The following STXBP6 variants were observed in gnomAD, a reference collection of about 807,000 sequenced individuals.
STXBP6 encodes the protein syntaxin-binding protein 6.
In STXBP6, 21 loss-of-function variants were observed where a neutral mutation model predicts 26.9. The ratio of observed to expected loss-of-function variants is 0.78; its 90% confidence interval spans 0.55 to 1.12. STXBP6 has a LOEUF of 1.12. STXBP6 is among the 50% of genes most tolerant of loss of function. STXBP6 has a pLI of 0.00. For missense variants in STXBP6, 232 were observed against 257.9 expected (o/e 0.90, Z 0.69); for synonymous variants, 97 against 92.6 (o/e 1.05, Z -0.27).
At chr14:24,832,917 T>A (rs768025878) in intron 4 of STXBP6, among the ~76,000 whole-genome samples, 3 of 152,212 alleles carry the variant, frequency 2.0e-5, no homozygotes, top group Non-Finnish European at 2.9e-5. Context: ...ATACTTTTCA[T>A]TCATTATCCT....
In STXBP6 at chr14:24,900,038, C is replaced by T. The variant is rs537917395; in HGVS notation, c.155-42881G>A. On this transcript the variant is annotated intron_variant, in intron 2 of 5. Transcript: ENST00000323944. ...CAAATTATCTAATAGGTGAACAAAG[C>T]GATATGCCTTAACAGGTTGTAATTT... is the stretch of plus-strand genomic sequence containing the variant. Among the ~76,000 whole-genome samples the T allele has an allele frequency of 1.1e-4, 17 of 152,186 alleles. 2 individuals are homozygous for T. The South Asian group carries it at 2.1e-3, about 19-fold the overall frequency.
intron 2 of STXBP6, among the ~76,000 whole-genome samples, chr14:24,887,666 T>C (rs1189411177): frequency 6.6e-6 from 1 of 152,134 alleles, no homozygotes; most frequent in African/African-American, 2.4e-5. Context: ...AACTCCCTAA[T>C]AGTAAATGCC....
At chr14:24,962,777 T>C (rs566954858) in intron 2 of STXBP6, among the ~76,000 whole-genome samples, 2 of 152,214 alleles carry the variant, frequency 1.3e-5, no homozygotes, top group South Asian at 2.1e-4. Context: ...TCACTAGCAG[T>C]GTGAATGTTT....
chr14:25,001,111 C>T (rs938996227), intron 1 of STXBP6, among the ~76,000 whole-genome samples: 1 of 152,070 alleles, frequency 6.6e-6, no homozygotes, highest in African/African-American at 2.4e-5. Flanking sequence ...AATGTAAAGA[C>T]GGAGGCTTTT....
chr14:24,819,213 G>A lies in STXBP6; in HGVS notation c.452-19C>T, dbSNP rs765507541. On this transcript the variant is annotated intron_variant, in intron 4 of 5. Transcript: ENST00000323944. ...CTGTTTCCTGAAAGGAGGAGAGCAGGAGCATCAGAAACTGGCTCAGCTGAC... is the reference window on the plus strand; with the variant it reads ...CTGTTTCCTGAAAGGAGGAGAGCAGAAGCATCAGAAACTGGCTCAGCTGAC... 1.2e-6 allele frequency: 2 copies of A among 1,613,740 alleles called. No homozygotes were observed. The highest frequency in any genetic ancestry group is 1.7e-6 in the Non-Finnish European group (2 of 1,179,988).
chr14:24,996,855 ACT>A (rs1282377936), intron 1 of STXBP6, among the ~76,000 whole-genome samples: 3 of 111,254 alleles, frequency 2.7e-5, no homozygotes, highest in South Asian at 3.2e-4. Flanking sequence ...AATGAGTGAA[ACT>A]CTGTCTCAAA....
chr14:25,031,917 C>T (rs1293666644), intron 1 of STXBP6, among the ~76,000 whole-genome samples: 1 of 152,040 alleles, frequency 6.6e-6, no homozygotes, highest in Non-Finnish European at 1.5e-5. Context: ...AACGAAGAGC[C>T]TAAGAAATGC....
chr14:25,025,528 A>C (rs996149068), intron 1 of STXBP6, among the ~76,000 whole-genome samples: 3 of 152,234 alleles, frequency 2.0e-5, no homozygotes, highest in Admixed American at 2.0e-4. Context: ...AAATGTTTTA[A>C]CATCATGTCC....
intron 1 of STXBP6, among the ~76,000 whole-genome samples, chr14:25,003,165 T>G (rs982597858): frequency 6.6e-5 from 10 of 152,218 alleles, no homozygotes; most frequent in Non-Finnish European, 1.0e-4. Flanking sequence ...CTGGCCAGTT[T>G]CTTTCTAAAT....
intron 2 of STXBP6, among the ~76,000 whole-genome samples, chr14:24,902,645 T>C (rs2071253805): frequency 6.8e-6 from 1 of 146,814 alleles, no homozygotes; most frequent in Non-Finnish European, 1.5e-5. Flanking sequence ...ACGTAAACTA[T>C]TTGTCTCTTT....
intron 2 of STXBP6, among the ~76,000 whole-genome samples, chr14:24,898,340 TACTGAACCTC>T (rs1237267525): frequency 2.0e-5 from 3 of 152,208 alleles, no homozygotes; most frequent in African/African-American, 7.2e-5. Flanking sequence ...TACTGAACCT[TACTGAACCTC>T]ACTGAACCAC....
intron 1 of STXBP6, among the ~76,000 whole-genome samples, chr14:25,026,476 T>C (rs1305400603): frequency 6.6e-6 from 1 of 152,134 alleles, no homozygotes; most frequent in Non-Finnish European, 1.5e-5. Flanking sequence ...CACCCCATAA[T>C]CAAACACGGT....
chr14:24,892,587 G>A (rs1391303713), intron 2 of STXBP6, among the ~76,000 whole-genome samples: 1 of 152,046 alleles, frequency 6.6e-6, no homozygotes, highest in Non-Finnish European at 1.5e-5. Context: ...CAGAGGGCAG[G>A]GACCCCCCGC....
At chr14:24,915,541 CCTGTT>C (rs2071735702) in intron 2 of STXBP6, among the ~76,000 whole-genome samples, 1 of 152,084 alleles carries the variant, frequency 6.6e-6, no homozygotes, top group Admixed American at 6.6e-5. Flanking sequence ...TAAATATAGT[CCTGTT>C]CTGGTGAAGA....
chr14:24,890,383 C>G (rs1361221403), intron 2 of STXBP6, among the ~76,000 whole-genome samples: 2 of 152,128 alleles, frequency 1.3e-5, no homozygotes, highest in African/African-American at 4.8e-5. Context: ...TCACAAGATC[C>G]TCAACATCTG....
At chr14:24,820,170 T>C (rs1302217579) in intron 4 of STXBP6, among the ~76,000 whole-genome samples, 1 of 152,276 alleles carries the variant, frequency 6.6e-6, no homozygotes, top group African/African-American at 2.4e-5. Context: ...AATGGCATTT[T>C]ATATAATGAC....
At chr14:24,881,851 G>A (rs543693185) in intron 2 of STXBP6, among the ~76,000 whole-genome samples, 91 of 152,340 alleles carry the variant, frequency 6.0e-4, no homozygotes, top group Middle Eastern at 3.4e-3. Context: ...TGGCTGGAGC[G>A]AAGATGTGCA....
intron 1 of STXBP6, among the ~76,000 whole-genome samples, chr14:25,014,402 T>C (rs1188400730): frequency 1.3e-5 from 2 of 152,040 alleles, no homozygotes; most frequent in African/African-American, 4.8e-5. Context: ...GAGGCACAGG[T>C]TGCAATGAGC....
Position 24,956,064 on chromosome 14 carries a change from T to C in STXBP6, c.154+18601A>G, listed in dbSNP as rs149102927. On this transcript the variant is annotated intron_variant, in intron 2 of 5. Transcript: ENST00000323944. ...TGCAGCTGTTGGCTACTTATTTCCA[T>C]ACATACCCAAAAGCACAAGAGAGTC... Among the ~76,000 whole-genome samples, 375 of 152,190 alleles carry C rather than the reference T, an allele frequency of 2.5e-3. 1 individual carries two copies. Among genetic ancestry groups the C allele is most frequent in the Non-Finnish European group, 4.2e-3 (286 of 68,010 alleles).
Sources: gnomAD v4.1 joint callset for allele counts (sites outside exome capture counted in the v4.1 genomes callset) on GRCh38, gnomAD v4.1.1 for gene constraint, MANE v1.5 for transcripts, NCBI Gene and HGNC (gene_info 2026-07-23, HGNC 2026-07-21) for gene names.